DLC1: variants seen among roughly 807,000 people sequenced by gnomAD.
DLC1 encodes rho GTPase-activating protein 7.
Under a neutral mutation model 140.3 loss-of-function variants are expected in DLC1, and 54 were observed. The ratio of observed to expected loss-of-function variants is 0.38; its 90% CI spans 0.31 to 0.48. The LOEUF (loss-of-function observed/expected upper bound fraction) is 0.48. DLC1 is among the 20% of genes least tolerant of loss of function. The pLI is 0.96. For missense variants in DLC1, 2,536 were observed against 1,907.0 expected (o/e 1.33, Z -6.14); for synonymous variants, 986 against 728.1 (o/e 1.35, Z -5.70).
At chr8:13,481,589 C>G (rs997317724) in intron 2 of DLC1, among the ~76,000 whole-genome samples, 4 of 152,048 alleles carry the variant, frequency 2.6e-5, no homozygotes, top group Admixed American at 1.3e-4. Flanking sequence ...ATGAGAATAC[C>G]AGACTCCATT....
At chr8:13,327,139 T>G (rs1261574987) in intron 4 of DLC1, among the ~76,000 whole-genome samples, 4 of 144,750 alleles carry the variant, frequency 2.8e-5, no homozygotes, top group Non-Finnish European at 4.5e-5. Flanking sequence ...TTTTTTTTTT[T>G]TTTTTTTGTA....
intron 4 of DLC1, among the ~76,000 whole-genome samples, chr8:13,337,180 A>G (rs1329802165): frequency 6.6e-6 from 1 of 152,170 alleles, no homozygotes; most frequent in Non-Finnish European, 1.5e-5. Flanking sequence ...TAAAATCTTG[A>G]TCATGCAGCA....
chr8:13,386,012 T>C (rs1836505246), intron 4 of DLC1, among the ~76,000 whole-genome samples: 1 of 152,220 alleles, frequency 6.6e-6, no homozygotes, highest in Admixed American at 6.5e-5. Flanking sequence ...TCTTGGTTGC[T>C]ATGATGTGGC....
chr8:13,135,516 T>C (rs895480000), intron 5 of DLC1, among the ~76,000 whole-genome samples: 2 of 152,072 alleles, frequency 1.3e-5, no homozygotes. Context: ...CATCCCGTGA[T>C]TGGATTTGCA....
intron 5 of DLC1, among the ~76,000 whole-genome samples, chr8:13,179,879 G>C (rs1825945935): frequency 6.6e-6 from 1 of 152,152 alleles, no homozygotes; most frequent in South Asian, 2.1e-4. Flanking sequence ...TCTGGACTCA[G>C]GAGAGAAGGA....
At chr8:13,417,976 A>AT (rs1838150817) in intron 2 of DLC1, among the ~76,000 whole-genome samples, 1 of 151,978 alleles carries the variant, frequency 6.6e-6, no homozygotes. Context: ...GATGATGAGC[A>AT]TTTTTTCATG....
At chr8:13,437,404 GA>G (rs1839168990) in intron 2 of DLC1, among the ~76,000 whole-genome samples, 1 of 152,168 alleles carries the variant, frequency 6.6e-6, no homozygotes, top group Admixed American at 6.5e-5. Context: ...AGCATCTTTC[GA>G]AAGTCAAAAT....
At chr8:13,238,802 C>A (rs1192286566) in intron 5 of DLC1, among the ~76,000 whole-genome samples, 3 of 152,270 alleles carry the variant, frequency 2.0e-5, no homozygotes, top group East Asian at 3.9e-4. Context: ...AAAATCATTC[C>A]TCTCAAGTGA....
At chr8:13,557,886 A>T (rs1804103861) in intron 1 of DLC1, 1 of 152,204 alleles carries the variant, frequency 6.6e-6, no homozygotes, top group South Asian at 2.1e-4. Context: ...GGAAGCAAGA[A>T]TTGCAACTCG....
Position 13,095,233 on chromosome 8 carries a change from C to G in DLC1, c.3180G>C (p.Lys1060Asn), listed in dbSNP as rs773244604. The G allele has an allele frequency of 1.2e-6, 2 of 1,614,252 alleles. No homozygotes were observed. Among genetic ancestry groups the G allele is most frequent in the Non-Finnish European group, 1.7e-6 (2 of 1,180,044 alleles). The change falls in exon 11 of 18, where the codon AAG becomes AAC. Residue 1060 changes from lysine to asparagine, a missense_variant. Physicochemically the swap from Lys to Asn is moderately conservative, Grantham distance 94. Coordinates refer to ENST00000276297, the MANE Select transcript of DLC1 (RefSeq NM_182643.3). ...NKHGFSWAVPKFMKRIKVPDY... is the reference protein window; with the variant it reads ...NKHGFSWAVPNFMKRIKVPDY... ...CTGGAACCTTGATCCTCTTCATGAA[C>G]TTGGGCACGGCCCTGTTAAAGAACA...
At chr8:13,349,073 G>A (rs66686514) in intron 4 of DLC1, among the ~76,000 whole-genome samples, 20,192 of 152,076 alleles carry the variant, frequency 0.13, 1,460 homozygotes, top group South Asian at 0.23. Flanking sequence ...TTTCCTGTCC[G>A]CCAATTCAAC....
intron 4 of DLC1, among the ~76,000 whole-genome samples, chr8:13,380,680 A>G (rs1335942662): frequency 6.6e-6 from 1 of 152,224 alleles, no homozygotes; most frequent in Non-Finnish European, 1.5e-5. Flanking sequence ...CCTGGTATTC[A>G]TAATCACAGC....
rs1272986706 is a variant in DLC1 at position 13,083,424 on chromosome 8, A to C, written c.*2387T>G. ...AGTACAAAATACTGAAAGCCGCTGC[A>C]GGGGATTATAAAGATGTGTAAGAGA... On this transcript the variant is annotated 3_prime_UTR_variant, in exon 18 of 18. Coordinates refer to ENST00000276297, the MANE Select transcript of DLC1 (RefSeq NM_182643.3). 2.0e-5 allele frequency: 3 copies of C among 152,126 alleles called. No individual in the cohort carries two copies. The allele number at this position is 152,126 out of a possible 1,614,324, so 9.4% of individuals were successfully genotyped here. A position where few individuals can be genotyped will look rare whatever the true frequency, so the allele number is the denominator to read the frequency against.
At chr8:13,567,036 T>G in intron 1 of DLC1, 7 of 1,551,592 alleles carry the variant, frequency 4.5e-6, no homozygotes, top group Non-Finnish European at 6.1e-6. Context: ...AAAGTGCTCT[T>G]GCAAACCTTT....
chr8:13,332,483 T>C (rs929884548), intron 4 of DLC1, among the ~76,000 whole-genome samples: 10 of 151,052 alleles, frequency 6.6e-5, no homozygotes, highest in Admixed American at 3.3e-4. Context: ...CAGACTGGAG[T>C]GCAGTGGCAC....
chr8:13,281,122 G>A (rs946358693), intron 5 of DLC1, among the ~76,000 whole-genome samples: 4 of 152,200 alleles, frequency 2.6e-5, no homozygotes, highest in Admixed American at 6.6e-5. Flanking sequence ...GGCATCTAGC[G>A]TGTATGTTAT....
intron 1 of DLC1, among the ~76,000 whole-genome samples, chr8:13,540,056 C>G (rs537866445): frequency 6.6e-6 from 1 of 152,274 alleles, no homozygotes; most frequent in East Asian, 1.9e-4. Flanking sequence ...TAGAGCTTTA[C>G]AAACCTAGTC....
At chr8:13,154,769 A>G (rs1208012362) in intron 5 of DLC1, among the ~76,000 whole-genome samples, 4 of 152,214 alleles carry the variant, frequency 2.6e-5, no homozygotes, top group South Asian at 2.1e-4. Flanking sequence ...TTTATTGCAC[A>G]CTCATATTTA....
intron 13 of DLC1, among the ~76,000 whole-genome samples, chr8:13,091,731 G>T (rs980708797): frequency 1.3e-5 from 2 of 152,122 alleles, no homozygotes; most frequent in South Asian, 2.1e-4. Flanking sequence ...TTTGCATGGT[G>T]GGGGAGCAAC....
Sources: allele counts gnomAD v4.1 joint callset (sites outside exome capture counted in the v4.1 genomes callset), GRCh38; gene constraint gnomAD v4.1.1; transcripts MANE v1.5; gene names NCBI Gene and HGNC (gene_info 2026-07-23, HGNC 2026-07-21).